Variants in GATAD2B observed in about 807,000 individuals in gnomAD.
The protein encoded by GATAD2B is transcriptional repressor p66-beta.
GATAD2B carries 8 observed loss-of-function variants against 64.3 expected under a neutral mutation model. The ratio of observed to expected loss-of-function variants is 0.12; its 90% CI spans 0.07 to 0.22. The LOEUF (loss-of-function observed/expected upper bound fraction) is 0.22, where lower values mean the gene tolerates loss of function less well. GATAD2B is among the 10% of genes least tolerant of loss of function. The pLI, the probability that GATAD2B is intolerant of heterozygous loss-of-function variation, is 1.00. For synonymous variants in GATAD2B, 281 were observed against 271.3 expected (o/e 1.04, Z -0.35); for missense variants, 453 against 752.0 (o/e 0.60, Z 4.65).
In GATAD2B at chr1:153,889,684, C is replaced by T. The variant is rs371394871; in HGVS notation, c.-2+33049G>A. 6.1e-6 allele frequency: 5 copies of T among 823,618 alleles called. No individual in the cohort carries two copies. In the East Asian group the frequency reaches 3.7e-4, roughly 61 times the overall value. 51.0% of individuals were successfully genotyped at this position (823,618 alleles called of 1,614,324 possible). A position where few individuals can be genotyped will look rare whatever the true frequency, so the allele number is the denominator to read the frequency against. On this transcript the variant is annotated intron_variant, in intron 1 of 10. Coordinates refer to ENST00000368655, the MANE Select transcript of GATAD2B (RefSeq NM_020699.4). ...AAATTTAAAATACACTCACATGTTA[C>T]TTATTTTCATATGTTCTCTGTATTT... is the stretch of plus-strand genomic sequence containing the variant.
At chr1:153,873,344 G>A (rs541953109) in intron 1 of GATAD2B, among the ~76,000 whole-genome samples, 3 of 152,162 alleles carry the variant, frequency 2.0e-5, no homozygotes, top group South Asian at 4.1e-4. Context: ...ACCCCGCAAC[G>A]ATTTGAATGT....
In GATAD2B at chr1:153,819,439, A is replaced by G. The variant is rs532889087; in HGVS notation, c.465+167T>C. On this transcript the variant is annotated intron_variant, in intron 3 of 10. Transcript: ENST00000368655. ...AAACTGTCGTCTCCACTTGCTTCTAATAGTTCCTTTTGAAAGCCCTTGAAG... is the reference window on the plus strand; with the variant it reads ...AAACTGTCGTCTCCACTTGCTTCTAGTAGTTCCTTTTGAAAGCCCTTGAAG... Among the ~76,000 whole-genome samples the G allele has an allele frequency of 2.6e-5, 4 of 152,352 alleles. No homozygotes were observed. The East Asian group carries it at 7.7e-4, about 29-fold the overall frequency.
At chr1:153,824,612 TAAAAAAAAAAA>T (rs771879855) in intron 2 of GATAD2B, among the ~76,000 whole-genome samples, 15 of 96,664 alleles carry the variant, frequency 1.6e-4, no homozygotes, top group Admixed American at 1.4e-4. Context: ...ACTCTGCCTT[TAAAAAAAAAAA>T]AAAAAAAAAA....
At chr1:153,897,100 C>T (rs1207330311) in intron 1 of GATAD2B, among the ~76,000 whole-genome samples, 1 of 150,460 alleles carries the variant, frequency 6.6e-6, no homozygotes, top group East Asian at 2.0e-4. Context: ...ACGATCTCGG[C>T]TCACTGCAGG....
chr1:153,916,722 C>T (rs1346396756), intron 1 of GATAD2B, among the ~76,000 whole-genome samples: 2 of 152,104 alleles, frequency 1.3e-5, no homozygotes, highest in Admixed American at 6.6e-5. Context: ...ACATTTTATG[C>T]TTGTATTTCA....
At position 153,828,455 on chromosome 1, in the gene GATAD2B, T is replaced by TACAC. The variant is rs71093290; in HGVS notation, c.-1-111_-1-108dup. On this transcript the variant is annotated intron_variant, in intron 1 of 10. Coordinates refer to ENST00000368655, the MANE Select transcript of GATAD2B (RefSeq NM_020699.4). ...TTAACAAGAATCTCTCTCTCACACA[T>TACAC]ACACACACACACACACACACACACA... 0.054 allele frequency: 31,371 copies of TACAC among 580,778 alleles called. 358 individuals are homozygous for TACAC. The highest frequency in any genetic ancestry group is 0.12 in the East Asian group (3,979 of 34,474). The allele number at this position is 580,778 out of a possible 1,614,324, so 36.0% of individuals were successfully genotyped here. A position where few individuals can be genotyped will look rare whatever the true frequency, so the allele number is the denominator to read the frequency against.
At chr1:153,898,126 A>G (rs929186383) in intron 1 of GATAD2B, among the ~76,000 whole-genome samples, 6 of 151,940 alleles carry the variant, frequency 3.9e-5, no homozygotes, top group Non-Finnish European at 8.8e-5. Context: ...CAACACGGTA[A>G]AACCCCATCT....
chr1:153,828,912 A>C (rs1331334083), intron 1 of GATAD2B, among the ~76,000 whole-genome samples: 1 of 152,102 alleles, frequency 6.6e-6, no homozygotes, highest in East Asian at 1.9e-4. Flanking sequence ...ACACTAACAA[A>C]ATCTAAATGT....
At chr1:153,819,385 G>A (rs1442980892) in intron 3 of GATAD2B, among the ~76,000 whole-genome samples, 1 of 152,194 alleles carries the variant, frequency 6.6e-6, no homozygotes, top group Non-Finnish European at 1.5e-5. Context: ...AAATAACACT[G>A]AGTATAATGG....
chr1:153,810,103 C>G lies in GATAD2B; in HGVS notation c.*74G>C. ...TAGGCACCAGTACAGGCACTGCATGCGACAGAAGTTGGGGGAATGAAAGAG... is the reference window on the plus strand; with the variant it reads ...TAGGCACCAGTACAGGCACTGCATGGGACAGAAGTTGGGGGAATGAAAGAG... On this transcript the variant is annotated 3_prime_UTR_variant, in exon 11 of 11. Transcript: ENST00000368655. The G allele has an allele frequency of 2.1e-6, 3 of 1,440,318 alleles. No homozygotes were observed. Among genetic ancestry groups the G allele is most frequent in the Non-Finnish European group, 2.9e-6 (3 of 1,050,318 alleles). The allele number at this position is 1,440,318 out of a possible 1,614,324, so 89.2% of individuals were successfully genotyped here.
At chr1:153,888,163 T>A (rs1677242071) in intron 1 of GATAD2B, among the ~76,000 whole-genome samples, 4 of 151,616 alleles carry the variant, frequency 2.6e-5, no homozygotes, top group African/African-American at 9.7e-5. Flanking sequence ...AATAAACAGA[T>A]CAACTTTTTC....
intron 1 of GATAD2B, among the ~76,000 whole-genome samples, chr1:153,881,457 C>T (rs574410660): frequency 3.0e-4 from 46 of 152,260 alleles, no homozygotes; most frequent in African/African-American, 1.1e-3. Context: ...AAGATCCAAA[C>T]CGAAAGGAGC....
intron 1 of GATAD2B, among the ~76,000 whole-genome samples, chr1:153,858,520 G>A (rs1009466378): frequency 9.2e-5 from 14 of 152,116 alleles, no homozygotes; most frequent in African/African-American, 3.1e-4. Context: ...TGGGAGGATC[G>A]CTTGAGCTCA....
intron 1 of GATAD2B, among the ~76,000 whole-genome samples, chr1:153,914,463 T>C (rs984349227): frequency 6.6e-6 from 1 of 152,170 alleles, no homozygotes; most frequent in African/African-American, 2.4e-5. Context: ...GTCACACAGA[T>C]GGTAAATGGC....
intron 1 of GATAD2B, among the ~76,000 whole-genome samples, chr1:153,868,563 T>TTC (rs1226495759): frequency 3.9e-5 from 6 of 152,114 alleles, no homozygotes; most frequent in Admixed American, 6.6e-5. Context: ...TAAAACTAAG[T>TTC]TCTGAAATAA....
chr1:153,817,926 G>A (rs895967493), intron 5 of GATAD2B, 114 bp downstream of exon 5: 5 of 874,926 alleles, frequency 5.7e-6, no homozygotes, highest in Non-Finnish European at 8.7e-6. Context: ...ACAATCAGTA[G>A]TAATAACACC....
intron 1 of GATAD2B, among the ~76,000 whole-genome samples, chr1:153,884,597 C>T (rs1232350091): frequency 6.6e-6 from 1 of 152,116 alleles, no homozygotes; most frequent in Non-Finnish European, 1.5e-5. Context: ...AGTGAGACTT[C>T]ATCTCAAAAA....
In GATAD2B at chr1:153,826,942, A is replaced by C. The variant is rs1674898738; in HGVS notation, c.335+1071T>G. Among the ~76,000 whole-genome samples, 4 of 112,402 alleles carry C rather than the reference A, an allele frequency of 3.6e-5. No individual in the cohort carries two copies. The South Asian group carries it at 1.2e-3, about 35-fold the overall frequency. 73.7% of individuals were successfully genotyped at this position (112,402 alleles called of 152,430 possible). Reference sequence around the variant, plus strand: ...TGTGACAAAGTGAGACCCTATCTTAAAAAAAAAAAAAAAAAAAAAACTGGC... The same window carrying C: ...TGTGACAAAGTGAGACCCTATCTTACAAAAAAAAAAAAAAAAAAAACTGGC... On this transcript the variant is annotated intron_variant, in intron 2 of 10. Coordinates refer to ENST00000368655, the MANE Select transcript of GATAD2B (RefSeq NM_020699.4).
At chr1:153,811,638 TA>T in intron 10 of GATAD2B, 92 bp downstream of exon 10, 2 of 798,132 alleles carry the variant, frequency 2.5e-6, no homozygotes, top group Non-Finnish European at 4.4e-6. Flanking sequence ...GAACAGAAAG[TA>T]AAGGAACAAT....
Sources: allele counts gnomAD v4.1 joint callset (sites outside exome capture counted in the v4.1 genomes callset), GRCh38; gene constraint gnomAD v4.1.1; transcripts MANE v1.5; gene names NCBI Gene and HGNC (gene_info 2026-07-23, HGNC 2026-07-21).